The following GLI3 variants were observed in gnomAD, a reference collection of about 807,000 sequenced individuals.
GLI3 encodes the protein GLI family zinc finger 3.
Under a neutral mutation model 100.8 loss-of-function variants are expected in GLI3, and 20 were observed. That is an observed-to-expected ratio of 0.20 (90% CI 0.14 to 0.29). The LOEUF is 0.29. Ranked by LOEUF, GLI3 falls within the 10% of genes least tolerant of loss-of-function variation. GLI3 has a pLI of 1.00. For synonymous variants in GLI3, 938 were observed against 860.5 expected (o/e 1.09, Z -1.58); for missense variants, 2,040 against 2,128.5 (o/e 0.96, Z 0.82).
At chr7:42,077,562 T>A (rs551169027) in intron 3 of GLI3, among the ~76,000 whole-genome samples, 3 of 151,882 alleles carry the variant, frequency 2.0e-5, no homozygotes, top group South Asian at 2.1e-4. Flanking sequence ...CCTCCCAAGG[T>A]AGTGTTAACA....
At chr7:41,977,329 C>T (rs144811054) in intron 12 of GLI3, among the ~76,000 whole-genome samples, 75 of 152,246 alleles carry the variant, frequency 4.9e-4, no homozygotes, top group Middle Eastern at 3.4e-3. Context: ...CTAGTAAGTT[C>T]GCAGGGGTTT....
At chr7:42,194,053 T>C (rs1648618886) in intron 2 of GLI3, among the ~76,000 whole-genome samples, 1 of 152,184 alleles carries the variant, frequency 6.6e-6, no homozygotes, top group Admixed American at 6.5e-5. Context: ...TTTTTGCCCA[T>C]GATGATAGTA....
At chr7:42,087,141 T>A (rs1347399713) in intron 3 of GLI3, among the ~76,000 whole-genome samples, 1 of 152,192 alleles carries the variant, frequency 6.6e-6, no homozygotes, top group Non-Finnish European at 1.5e-5. Flanking sequence ...GAAAGGAAAC[T>A]GAGGCCACGC....
chr7:42,047,510 G>A (rs1583507829), intron 5 of GLI3, among the ~76,000 whole-genome samples: 1 of 152,188 alleles, frequency 6.6e-6, no homozygotes, highest in African/African-American at 2.4e-5. Flanking sequence ...CCTGCTACCT[G>A]TAATTAATAG....
intron 10 of GLI3, among the ~76,000 whole-genome samples, chr7:41,985,183 G>A (rs940174950): frequency 3.1e-4 from 47 of 152,308 alleles, no homozygotes; most frequent in Admixed American, 1.8e-3. Flanking sequence ...GCCACCATTT[G>A]TTGCGGTGAT....
chr7:42,248,930 T>C (rs1409935120), intron 1 of GLI3, among the ~76,000 whole-genome samples: 3 of 151,918 alleles, frequency 2.0e-5, no homozygotes, highest in Admixed American at 6.6e-5. Context: ...TTAGTAGAGA[T>C]GGATTTTCAC....
At chr7:42,078,736 T>G (rs1413095988) in intron 3 of GLI3, among the ~76,000 whole-genome samples, 3 of 148,510 alleles carry the variant, frequency 2.0e-5, no homozygotes, top group South Asian at 4.4e-4. Flanking sequence ...GTTTTTTTTT[T>G]TTTTTTTTTT....
At position 42,182,662 on chromosome 7, in the gene GLI3, A is replaced by ATATATATATATATACATGTGTG. The variant is rs1554337069; in HGVS notation, c.125-34195_125-34194insCACACATGTATATATATATATA. Among the ~76,000 whole-genome samples the ATATATATATATATACATGTGTG allele has an allele frequency of 1.3e-3, 101 of 76,702 alleles. 3 individuals carry two copies. The highest frequency in any genetic ancestry group is 6.3e-3 in the African/African-American group (94 of 14,960). The allele number at this position is 76,702 out of a possible 152,430, so 50.3% of individuals were successfully genotyped here. A position where few individuals can be genotyped will look rare whatever the true frequency, so the allele number is the denominator to read the frequency against. Reference sequence around the variant, plus strand: ...TGTGTGTGTATATATATATATATATATATATATATATATATATATACACAT... The same window carrying ATATATATATATATACATGTGTG: ...TGTGTGTGTATATATATATATATATATATATATATATATACATGTGTGTATATATATATATATATATACACAT... On this transcript the variant is annotated intron_variant, in intron 2 of 14. Coordinates refer to ENST00000395925, the MANE Select transcript of GLI3 (RefSeq NM_000168.6).
In GLI3 at chr7:42,012,879, C is replaced by G. The variant is rs543564162; in HGVS notation, c.1497+10589G>C. ...GAACCTGTGCAAACTCTCCCTGCCC[C>G]CAGGAAAGGCCACCAGGAAGACCTC... On this transcript the variant is annotated intron_variant, in intron 10 of 14. Transcript: ENST00000395925. 5.3e-5 allele frequency among the ~76,000 whole-genome samples: 8 copies of G among 152,312 alleles called. No individual in the cohort carries two copies. The South Asian group carries it at 1.7e-3, about 32-fold the overall frequency.
chr7:42,212,678 C>T (rs116328872), intron 2 of GLI3, among the ~76,000 whole-genome samples: 1,747 of 152,304 alleles, frequency 0.011, 29 homozygotes, highest in African/African-American at 0.04. Context: ...CCGAGTTCTC[C>T]AGAACTTCTG....
chr7:42,188,473 A>T (rs1290611859), intron 2 of GLI3, among the ~76,000 whole-genome samples: 1 of 152,230 alleles, frequency 6.6e-6, no homozygotes, highest in Non-Finnish European at 1.5e-5. Context: ...ATAATCAGAG[A>T]TAGGAACAAA....
At position 42,200,330 on chromosome 7, in the gene GLI3, G is replaced by A. The variant is rs117969983; in HGVS notation, c.124+22800C>T. ...CCATATGTCCAGGCCCAGGTGAACA[G>A]ACAGTGAACATTCAAAGCCAACTCA... On this transcript the variant is annotated intron_variant, in intron 2 of 14. Coordinates refer to ENST00000395925, the MANE Select transcript of GLI3 (RefSeq NM_000168.6). Among the ~76,000 whole-genome samples the A allele has an allele frequency of 3.9e-3, 598 of 152,306 alleles. 4 individuals carry two copies. The highest frequency in any genetic ancestry group is 7.3e-3 in the Non-Finnish European group (496 of 68,030).
intron 2 of GLI3, among the ~76,000 whole-genome samples, chr7:42,195,892 C>T (rs1458332739): frequency 6.6e-6 from 1 of 152,218 alleles, no homozygotes; most frequent in African/African-American, 2.4e-5. Flanking sequence ...TGAGCAGACA[C>T]AGTGTGTCAG....
At chr7:42,008,273 A>T (rs1311055737) in intron 10 of GLI3, among the ~76,000 whole-genome samples, 3 of 152,136 alleles carry the variant, frequency 2.0e-5, no homozygotes, top group Admixed American at 6.5e-5. Flanking sequence ...ACCAAGCCTA[A>T]ATCTGTCTCC....
At chr7:42,217,501 G>C (rs1469873795) in intron 2 of GLI3, among the ~76,000 whole-genome samples, 2 of 152,134 alleles carry the variant, frequency 1.3e-5, no homozygotes, top group Non-Finnish European at 2.9e-5. Flanking sequence ...CCCAGGAAAA[G>C]AATCAAGAAA....
At chr7:42,132,260 C>CTGCCCGCCACCA (rs1443268983) in intron 3 of GLI3, among the ~76,000 whole-genome samples, 5 of 151,474 alleles carry the variant, frequency 3.3e-5, no homozygotes, top group African/African-American at 7.3e-5. Flanking sequence ...GCCACTACGC[C>CTGCCCGCCACCA]CGGCTAATTT....
chr7:42,224,756 C>T (rs1290780133), intron 1 of GLI3, among the ~76,000 whole-genome samples: 7 of 152,192 alleles, frequency 4.6e-5, no homozygotes, highest in South Asian at 2.1e-4. Context: ...AGCCACCGTG[C>T]GTGAGTCCCA....
At chr7:42,013,260 T>C (rs1788668000) in intron 10 of GLI3, among the ~76,000 whole-genome samples, 1 of 152,212 alleles carries the variant, frequency 6.6e-6, no homozygotes, top group Admixed American at 6.5e-5. Flanking sequence ...GCTTTGAATA[T>C]TCATTCTCTG....
chr7:42,232,030 ATTAAT>A (rs1445575314), intron 1 of GLI3, among the ~76,000 whole-genome samples: 10 of 151,276 alleles, frequency 6.6e-5, no homozygotes, highest in South Asian at 2.1e-4. Flanking sequence ...CCATTACTTA[ATTAAT>A]TTAATTTTGT....
Sources: gnomAD v4.1 joint callset for allele counts (sites outside exome capture counted in the v4.1 genomes callset) on GRCh38, gnomAD v4.1.1 for gene constraint, MANE v1.5 for transcripts, NCBI Gene and HGNC (gene_info 2026-07-23, HGNC 2026-07-21) for gene names.